NCKAP5: variants seen among roughly 807,000 people sequenced by gnomAD.
The protein encoded by NCKAP5 is NCK associated protein 5.
A neutral mutation model predicts 167.0 loss-of-function variants in NCKAP5; 92 were observed. That is an observed-to-expected ratio of 0.55 (90% confidence interval 0.47 to 0.66). The LOEUF (loss-of-function observed/expected upper bound fraction) is 0.66. NCKAP5 is among the 30% of genes least tolerant of loss of function. The probability of loss-of-function intolerance (pLI) is 0.00; values close to 1 mark genes in which losing one functional copy is unlikely to be tolerated. For synonymous variants in NCKAP5, 891 were observed against 877.4 expected (o/e 1.02, Z -0.27); for missense variants, 2,378 against 2,315.0 (o/e 1.03, Z -0.56).
At chr2:132,838,022 T>C (rs1255214737) in intron 11 of NCKAP5, among the ~76,000 whole-genome samples, 2 of 152,222 alleles carry the variant, frequency 1.3e-5, no homozygotes, top group African/African-American at 4.8e-5. Flanking sequence ...TTGTGATCCC[T>C]GTTACTCTGG....
intron 4 of NCKAP5, among the ~76,000 whole-genome samples, chr2:133,274,015 A>G (rs2089628213): frequency 6.6e-6 from 1 of 151,480 alleles, no homozygotes; most frequent in Non-Finnish European, 1.5e-5. Flanking sequence ...TATATTAAAT[A>G]GTTAAGTTAA....
At chr2:133,550,349 T>G (rs1429557663) in intron 2 of NCKAP5, among the ~76,000 whole-genome samples, 2 of 150,746 alleles carry the variant, frequency 1.3e-5, no homozygotes, top group African/African-American at 2.4e-5. Flanking sequence ...AAATCCTCAA[T>G]AAAATACTGG....
chr2:133,303,450 A>C (rs1680547166), intron 3 of NCKAP5, among the ~76,000 whole-genome samples: 2 of 152,214 alleles, frequency 1.3e-5, no homozygotes, highest in South Asian at 4.1e-4. Flanking sequence ...TAGAAAAAGA[A>C]AATAGACAAA....
At chr2:133,470,710 G>T (rs943781753) in intron 3 of NCKAP5, among the ~76,000 whole-genome samples, 2 of 152,230 alleles carry the variant, frequency 1.3e-5, no homozygotes, top group Admixed American at 6.5e-5. Context: ...ATATAATCTC[G>T]TGGTGCGCCG....
chr2:133,494,463 T>C (rs1681752514), intron 3 of NCKAP5, among the ~76,000 whole-genome samples: 1 of 152,158 alleles, frequency 6.6e-6, no homozygotes, highest in Non-Finnish European at 1.5e-5. Context: ...ATGTCTCAAG[T>C]CCTGCATCCC....
chr2:132,717,374 T>G (rs991209892), intron 19 of NCKAP5, among the ~76,000 whole-genome samples: 6 of 152,206 alleles, frequency 3.9e-5, no homozygotes, highest in African/African-American at 1.4e-4. Flanking sequence ...GAGTTTGGAT[T>G]TCGTTGAACC....
chr2:133,319,625 T>C (rs1681889632), intron 3 of NCKAP5, among the ~76,000 whole-genome samples: 1 of 152,214 alleles, frequency 6.6e-6, no homozygotes, highest in Non-Finnish European at 1.5e-5. Flanking sequence ...ATATTTGGGA[T>C]AGCAACGCAG....
At chr2:132,786,290 G>A (rs1683563252) in intron 13 of NCKAP5, among the ~76,000 whole-genome samples, 1 of 152,192 alleles carries the variant, frequency 6.6e-6, no homozygotes, top group South Asian at 2.1e-4. Flanking sequence ...CCTTATTGCA[G>A]AGTGTCTACG....
chr2:133,641,377 C>T, the NCKAP5 span, among the ~76,000 whole-genome samples: 1 of 152,252 alleles, frequency 6.6e-6, no homozygotes, highest in African/African-American at 2.4e-5. Flanking sequence ...CATCTAATGG[C>T]TTCTTCCTCT....
At chr2:133,293,963 T>C (rs935352809) in intron 4 of NCKAP5, among the ~76,000 whole-genome samples, 1 of 152,332 alleles carries the variant, frequency 6.6e-6, no homozygotes, top group African/African-American at 2.4e-5. Context: ...TGAGGCACGC[T>C]AGCCCTGGTC....
chr2:133,258,622 A>G (rs2088742665), intron 4 of NCKAP5, among the ~76,000 whole-genome samples: 1 of 151,958 alleles, frequency 6.6e-6, no homozygotes, highest in Admixed American at 6.6e-5. Context: ...GTGCATGCCT[A>G]TAGTCGCAGC....
the NCKAP5 span, among the ~76,000 whole-genome samples, chr2:133,648,522 C>A: frequency 6.6e-6 from 1 of 152,082 alleles, no homozygotes; most frequent in Non-Finnish European, 1.5e-5. Flanking sequence ...AGCATTTCTT[C>A]ACTAATTTAT....
At chr2:133,141,300 A>T (rs796762320) in intron 5 of NCKAP5, among the ~76,000 whole-genome samples, 1 of 152,210 alleles carries the variant, frequency 6.6e-6, no homozygotes, top group African/African-American at 2.4e-5. Flanking sequence ...AATTTCTGAG[A>T]AGATGTGCAG....
intron 3 of NCKAP5, among the ~76,000 whole-genome samples, chr2:133,312,242 TC>T (rs1681290094): frequency 6.6e-6 from 1 of 152,220 alleles, no homozygotes; most frequent in Non-Finnish European, 1.5e-5. Flanking sequence ...TTGAAAAGCC[TC>T]GTGACCTGTT....
At chr2:133,056,185 C>A (rs2079793474) in intron 6 of NCKAP5, among the ~76,000 whole-genome samples, 1 of 152,122 alleles carries the variant, frequency 6.6e-6, no homozygotes, top group African/African-American at 2.4e-5. Flanking sequence ...TTATGCCTAT[C>A]CAGAACATCT....
chr2:133,564,416 C>A (rs1270916199), intron 1 of NCKAP5, among the ~76,000 whole-genome samples: 1 of 152,114 alleles, frequency 6.6e-6, no homozygotes, highest in Non-Finnish European at 1.5e-5. Context: ...ATTGAGAACT[C>A]ATTGTGTGCC....
chr2:133,423,015 C>T (rs553111909), intron 3 of NCKAP5, among the ~76,000 whole-genome samples: 1 of 152,100 alleles, frequency 6.6e-6, no homozygotes, highest in African/African-American at 2.4e-5. Flanking sequence ...CAAAACACAG[C>T]CTGGGGATCT....
chr2:132,926,086 G>A (rs896367242), intron 8 of NCKAP5: 14 of 239,838 alleles, frequency 5.8e-5, no homozygotes, highest in Admixed American at 1.2e-4. Context: ...CACACTTTAG[G>A]TCCATGTGTA....
intron 3 of NCKAP5, among the ~76,000 whole-genome samples, chr2:133,379,866 A>G (rs1466374920): frequency 1.3e-5 from 2 of 152,206 alleles, no homozygotes; most frequent in Non-Finnish European, 2.9e-5. Flanking sequence ...GTAAATAATA[A>G]AAATTGGGAT....
Sources: allele counts gnomAD v4.1 joint callset (sites outside exome capture counted in the v4.1 genomes callset), GRCh38; gene constraint gnomAD v4.1.1; transcripts MANE v1.5; gene names NCBI Gene and HGNC (gene_info 2026-07-23, HGNC 2026-07-21).